SSBP2: variants seen among roughly 807,000 people sequenced by gnomAD.
SSBP2 encodes the protein single stranded DNA binding protein 2.
SSBP2 carries 17 observed loss-of-function variants against 61.8 expected under a neutral mutation model. That is an observed-to-expected ratio of 0.28 (90% CI 0.19 to 0.41). The LOEUF is 0.41. Among genes scored for constraint, SSBP2 ranks in the 10% least tolerant of loss-of-function variants. SSBP2 has a pLI of 1.00. For synonymous variants in SSBP2, 139 were observed against 141.3 expected (o/e 0.98, Z 0.12); for missense variants, 310 against 458.7 (o/e 0.68, Z 2.96).
intron 4 of SSBP2, among the ~76,000 whole-genome samples, chr5:81,569,616 T>C (rs562366253): frequency 2.0e-5 from 3 of 152,302 alleles, no homozygotes. Flanking sequence ...TGTCATTCCA[T>C]TGAAATAAAT....
At chr5:81,630,726 C>G (rs1168187630) in intron 3 of SSBP2, among the ~76,000 whole-genome samples, 1 of 139,982 alleles carries the variant, frequency 7.1e-6, no homozygotes, top group East Asian at 2.2e-4. Flanking sequence ...AAAAATGGCA[C>G]ATTTAAAAGC....
Position 81,419,922 on chromosome 5 carries a change from T to C in SSBP2, c.*582A>G, listed in dbSNP as rs956821743. On this transcript the variant is annotated 3_prime_UTR_variant, in exon 17 of 17. Coordinates refer to ENST00000320672, the MANE Select transcript of SSBP2 (RefSeq NM_012446.5). ...TTTGTGATTCACAGGATAACTTGCATCAGACGCAATTTAATGAAAGCTCTC... is the reference window on the plus strand; with the variant it reads ...TTTGTGATTCACAGGATAACTTGCACCAGACGCAATTTAATGAAAGCTCTC... 1 of 152,292 alleles carries C rather than the reference T, an allele frequency of 6.6e-6. No homozygotes were observed. The highest frequency in any genetic ancestry group is 1.5e-5 in the Non-Finnish European group (1 of 68,040). 9.4% of individuals were successfully genotyped at this position (152,292 alleles called of 1,614,324 possible). A position where few individuals can be genotyped will look rare whatever the true frequency, so the allele number is the denominator to read the frequency against.
intron 1 of SSBP2, among the ~76,000 whole-genome samples, chr5:81,748,835 G>A (rs1283826522): frequency 6.6e-6 from 1 of 152,006 alleles, no homozygotes; most frequent in Non-Finnish European, 1.5e-5. Flanking sequence ...GGAAATCACA[G>A]AATTAGAGCT....
At chr5:81,602,895 C>T (rs1386323702) in intron 4 of SSBP2, among the ~76,000 whole-genome samples, 1 of 152,020 alleles carries the variant, frequency 6.6e-6, no homozygotes, top group Non-Finnish European at 1.5e-5. Context: ...TTCTTACTTC[C>T]GTATCAAATA....
intron 16 of SSBP2, among the ~76,000 whole-genome samples, chr5:81,421,136 TAA>T (rs1761581102): frequency 6.6e-6 from 1 of 152,174 alleles, no homozygotes; most frequent in Admixed American, 6.6e-5. Context: ...TTAAAATACT[TAA>T]GAGTCTAATT....
At chr5:81,695,399 T>G (rs1204985394) in intron 1 of SSBP2, among the ~76,000 whole-genome samples, 1 of 152,140 alleles carries the variant, frequency 6.6e-6, no homozygotes, top group East Asian at 1.9e-4. Context: ...GTGCACAACC[T>G]GCAGGTTTGT....
chr5:81,690,079 A>G (rs1430136424), intron 1 of SSBP2, among the ~76,000 whole-genome samples: 1 of 152,116 alleles, frequency 6.6e-6, no homozygotes, highest in Non-Finnish European at 1.5e-5. Flanking sequence ...GTAACCTCAA[A>G]TCAAAAAGAA....
At chr5:81,532,139 T>G (rs1382693315) in intron 4 of SSBP2, among the ~76,000 whole-genome samples, 1 of 152,028 alleles carries the variant, frequency 6.6e-6, no homozygotes, top group African/African-American at 2.4e-5. Context: ...ATGTTGGAAA[T>G]GTACACCTAA....
chr5:81,675,869 C>T (rs1365502865), intron 1 of SSBP2, among the ~76,000 whole-genome samples: 1 of 152,200 alleles, frequency 6.6e-6, no homozygotes, highest in Non-Finnish European at 1.5e-5. Context: ...ATGCTTTTCT[C>T]CTCTACGTAG....
chr5:81,660,899 G>T (rs1750629126), intron 1 of SSBP2, among the ~76,000 whole-genome samples: 1 of 151,696 alleles, frequency 6.6e-6, no homozygotes, highest in Admixed American at 6.6e-5. Context: ...CAGCAAACTA[G>T]CACAGGAAAA....
At chr5:81,563,049 GA>G (rs1773169394) in intron 4 of SSBP2, among the ~76,000 whole-genome samples, 2 of 152,108 alleles carry the variant, frequency 1.3e-5, no homozygotes, top group African/African-American at 4.8e-5. Context: ...ACTGGAAATA[GA>G]AAAGAAGTAG....
At chr5:81,744,470 T>C (rs187018660) in intron 1 of SSBP2, among the ~76,000 whole-genome samples, 2 of 152,314 alleles carry the variant, frequency 1.3e-5, no homozygotes, top group African/African-American at 4.8e-5. Context: ...ACATATATTT[T>C]CATCTATTAT....
intron 8 of SSBP2, 116 bp from the exon 9 acceptor site, chr5:81,467,181 G>A (rs1222697131): frequency 1.1e-5 from 6 of 552,548 alleles, no homozygotes. Flanking sequence ...ATTCTCTGAG[G>A]GGTCCATTCT....
At chr5:81,674,062 C>T (rs1751783108) in intron 1 of SSBP2, among the ~76,000 whole-genome samples, 1 of 152,080 alleles carries the variant, frequency 6.6e-6, no homozygotes, top group Non-Finnish European at 1.5e-5. Context: ...TAAAATTTGG[C>T]CCAGAGGGAA....
chr5:81,450,077 C>T (rs894763844), intron 10 of SSBP2, among the ~76,000 whole-genome samples: 1 of 152,148 alleles, frequency 6.6e-6, no homozygotes, highest in Non-Finnish European at 1.5e-5. Flanking sequence ...GTCACCCAGG[C>T]TGGAGTGCAA....
At chr5:81,690,348 C>T (rs926096588) in intron 1 of SSBP2, among the ~76,000 whole-genome samples, 13 of 151,970 alleles carry the variant, frequency 8.6e-5, no homozygotes, top group Admixed American at 5.2e-4. Context: ...CGATCTGTTG[C>T]GTACAATAAA....
intron 4 of SSBP2, among the ~76,000 whole-genome samples, chr5:81,539,091 C>A (rs1430450603): frequency 6.6e-6 from 1 of 152,174 alleles, no homozygotes. Context: ...GGAAAGAATT[C>A]ATTATTCTAG....
intron 4 of SSBP2, among the ~76,000 whole-genome samples, chr5:81,577,551 G>A (rs990579160): frequency 6.6e-6 from 1 of 152,002 alleles, no homozygotes; most frequent in Admixed American, 6.6e-5. Context: ...GTGTTCCACA[G>A]CAAAGTAAAA....
chr5:81,686,898 G>T (rs527755133), intron 1 of SSBP2, among the ~76,000 whole-genome samples: 1 of 135,020 alleles, frequency 7.4e-6, no homozygotes, highest in Non-Finnish European at 1.6e-5. Flanking sequence ...GAAAAGAAAA[G>T]AAAAGAAAAG....
Sources: gnomAD v4.1 joint callset for allele counts (sites outside exome capture counted in the v4.1 genomes callset) on GRCh38, gnomAD v4.1.1 for gene constraint, MANE v1.5 for transcripts, NCBI Gene and HGNC (gene_info 2026-07-23, HGNC 2026-07-21) for gene names.